SLC1A2: variants seen among roughly 807,000 people sequenced by gnomAD.
The protein encoded by SLC1A2 is excitatory amino acid transporter 2.
A neutral mutation model predicts 48.8 loss-of-function variants in SLC1A2; 15 were observed. That is an observed-to-expected ratio of 0.31 (90% CI 0.21 to 0.47). The LOEUF is 0.47. Ranked by LOEUF, SLC1A2 falls within the 20% of genes least tolerant of loss-of-function variation. The pLI is 0.99. For missense variants in SLC1A2, 502 were observed against 730.5 expected, an observed-to-expected ratio of 0.69 and a Z score of 3.61; for synonymous variants, 279 against 272.6, an observed-to-expected ratio of 1.02 and a Z score of -0.23.
intron 1 of SLC1A2, among the ~76,000 whole-genome samples, chr11:35,342,383 C>T (rs1310766892): frequency 6.6e-6 from 1 of 152,132 alleles, no homozygotes; most frequent in African/African-American, 2.4e-5. Flanking sequence ...CAAGCTCACC[C>T]GATGCAGATA....
At chr11:35,356,989 C>A (rs1853495628) in intron 1 of SLC1A2, among the ~76,000 whole-genome samples, 1 of 152,064 alleles carries the variant, frequency 6.6e-6, no homozygotes, top group African/African-American at 2.4e-5. Context: ...CGCCTGTAAT[C>A]CCAGCACGCT....
intron 10 of SLC1A2, chr11:35,264,708 C>A (rs968717921): frequency 6.6e-6 from 1 of 152,194 alleles, no homozygotes; most frequent in African/African-American, 2.4e-5. Flanking sequence ...TGAAGGATAG[C>A]TGTTCTTTAC....
In SLC1A2 at chr11:35,292,469, G is replaced by A; in HGVS notation, c.909C>T (p.Ile303=). The A allele has an allele frequency of 6.2e-7, 1 of 1,613,876 alleles. No individual in the cohort carries two copies. Among genetic ancestry groups the A allele is most frequent in the Non-Finnish European group, 8.5e-7 (1 of 1,179,876 alleles). ...GCCTAGCAACCACTTCTAAGTCCTTGATTGCAATGATCTTTCCACAGATCA... is the reference window on the plus strand; with the variant it reads ...GCCTAGCAACCACTTCTAAGTCCTTAATTGCAATGATCTTTCCACAGATCA... ...ACLICGKIIA[I]KDLEVVARQL... is the part of the protein sequence containing the mutation. The change falls in exon 7 of 11, where the codon ATC becomes ATT. Residue 303 remains isoleucine (I), a synonymous_variant. Transcript: ENST00000278379.
intron 6 of SLC1A2, among the ~76,000 whole-genome samples, chr11:35,295,184 A>T (rs1851133187): frequency 6.6e-6 from 1 of 152,034 alleles, no homozygotes; most frequent in African/African-American, 2.4e-5. Flanking sequence ...AGTAGCTAAG[A>T]CTACAGGTGT....
intron 1 of SLC1A2, among the ~76,000 whole-genome samples, chr11:35,374,727 G>A (rs955234196): frequency 3.3e-5 from 5 of 151,216 alleles, no homozygotes; most frequent in African/African-American, 9.7e-5. Context: ...TGTCATTAAT[G>A]AGCTTAGAAC....
At chr11:35,386,503 C>CA (rs1199130602) in intron 1 of SLC1A2, among the ~76,000 whole-genome samples, 1 of 152,194 alleles carries the variant, frequency 6.6e-6, no homozygotes, top group Non-Finnish European at 1.5e-5. Context: ...TGTTACTACT[C>CA]AGATGGCTAT....
intron 1 of SLC1A2, among the ~76,000 whole-genome samples, chr11:35,400,852 A>G (rs1382852056): frequency 6.6e-6 from 1 of 152,166 alleles, no homozygotes; most frequent in East Asian, 1.9e-4. Context: ...ACCCCAGGAG[A>G]TCCTGAGAAC....
chr11:35,266,031 C>G (rs950194676), intron 9 of SLC1A2, among the ~76,000 whole-genome samples: 1 of 151,820 alleles, frequency 6.6e-6, no homozygotes, highest in Non-Finnish European at 1.5e-5. Context: ...ATGGTAAACA[C>G]CAATAACCAG....
chr11:35,310,110 A>C (rs1023786081), intron 4 of SLC1A2, among the ~76,000 whole-genome samples: 2 of 152,216 alleles, frequency 1.3e-5, no homozygotes, highest in Non-Finnish European at 2.9e-5. Flanking sequence ...CTCCAAGACC[A>C]GAGCAATAGC....
upstream of SLC1A2, chr11:35,419,995 G>A (rs1225082618): frequency 4.3e-6 from 2 of 465,926 alleles, no homozygotes; most frequent in Non-Finnish European, 8.9e-6. The surrounding 1 kb of genome is among the most constrained non-coding windows in gnomAD (Gnocchi z 5.4). Context: ...GAAACACGCG[G>A]GTGGTGCAGC....
rs1854151130 is a variant in SLC1A2, at chr11:35,374,273, C to G, written c.17+44677G>C. Reference sequence around the variant, plus strand: ...ACTCCCGAAGCTGAGAAATGGAACTCTTAACATTCAGGGATGTGGCCACAG... The same window carrying G: ...ACTCCCGAAGCTGAGAAATGGAACTGTTAACATTCAGGGATGTGGCCACAG... On this transcript the variant is annotated intron_variant, in intron 1 of 10. Transcript: ENST00000278379. 1.3e-5 allele frequency: 13 copies of G among 995,824 alleles called. No homozygotes were observed. In the South Asian group the frequency reaches 1.6e-4, roughly 12 times the overall value. The allele number at this position is 995,824 out of a possible 1,614,324, so 61.7% of individuals were successfully genotyped here. A position where few individuals can be genotyped will look rare whatever the true frequency, so the allele number is the denominator to read the frequency against.
chr11:35,416,493 C>T (rs1056130094), intron 1 of SLC1A2, among the ~76,000 whole-genome samples: 1 of 152,200 alleles, frequency 6.6e-6, no homozygotes, highest in Non-Finnish European at 1.5e-5. Flanking sequence ...GTTAAACAAA[C>T]ATAAGATGTC....
At chr11:35,362,564 G>T (rs574033785) in intron 1 of SLC1A2, among the ~76,000 whole-genome samples, 1 of 152,084 alleles carries the variant, frequency 6.6e-6, no homozygotes, top group African/African-American at 2.4e-5. Context: ...AACTATTCAC[G>T]GGACTGTAGT....
chr11:35,251,580 T>C lies in SLC1A2; in HGVS notation c.*9314A>G, dbSNP rs1468654540. 6.6e-6 allele frequency: 1 copy of C among 152,436 alleles called. No individual in the cohort carries two copies. Among genetic ancestry groups the C allele is most frequent in the Non-Finnish European group, 1.5e-5 (1 of 68,054 alleles). 9.4% of individuals were successfully genotyped at this position (152,436 alleles called of 1,614,324 possible). ...TGAATGTGAGGAATACAATTAGTTT[T>C]ATCTTTTGTTCTGGACATACAAGAA... On this transcript the variant is annotated 3_prime_UTR_variant, in exon 11 of 11. Transcript: ENST00000278379.
chr11:35,377,862 T>C (rs535032362), intron 1 of SLC1A2, among the ~76,000 whole-genome samples: 5 of 152,384 alleles, frequency 3.3e-5, no homozygotes, highest in Admixed American at 2.0e-4. Flanking sequence ...TTCTAGCTTA[T>C]CTAGAAAATT....
At chr11:35,312,730 T>C (rs978857775) in intron 3 of SLC1A2, among the ~76,000 whole-genome samples, 11 of 152,254 alleles carry the variant, frequency 7.2e-5, no homozygotes, top group Non-Finnish European at 1.6e-4. Context: ...CTAAATTATT[T>C]ACAATACCTA....
At chr11:35,362,314 G>A (rs1378255856) in intron 1 of SLC1A2, among the ~76,000 whole-genome samples, 1 of 152,164 alleles carries the variant, frequency 6.6e-6, no homozygotes, top group Non-Finnish European at 1.5e-5. Context: ...ATCCCAATCT[G>A]AAATTTTCAC....
upstream of SLC1A2, chr11:35,420,503 G>A (rs1272451626): frequency 2.0e-5 from 3 of 152,234 alleles, no homozygotes; most frequent in Non-Finnish European, 4.4e-5. Context: ...GGCCACAGGA[G>A]AATTAAACAG....
intron 1 of SLC1A2, among the ~76,000 whole-genome samples, chr11:35,349,486 T>C (rs1041478874): frequency 1.3e-5 from 2 of 152,168 alleles, no homozygotes; most frequent in African/African-American, 2.4e-5. Flanking sequence ...TGGTACTGTC[T>C]TCCTCATCTC....
Sources: gnomAD v4.1 joint callset for allele counts (sites outside exome capture counted in the v4.1 genomes callset) on GRCh38, gnomAD v4.1.1 for gene constraint, Gnocchi (gnomAD v3.1) non-coding constraint, MANE v1.5 for transcripts, NCBI Gene and HGNC (gene_info 2026-07-23, HGNC 2026-07-21) for gene names.